The following SLC2A13 variants were observed in gnomAD, a reference collection of about 807,000 sequenced individuals.
The protein encoded by SLC2A13 is proton myo-inositol cotransporter.
A neutral mutation model predicts 64.4 loss-of-function variants in SLC2A13; 32 were observed. The ratio of observed to expected loss-of-function variants is 0.50; its 90% confidence interval spans 0.37 to 0.67. The LOEUF (loss-of-function observed/expected upper bound fraction) is 0.67. SLC2A13 is among the 30% of genes least tolerant of loss of function. The pLI, the probability that SLC2A13 is intolerant of heterozygous loss-of-function variation, is 0.00. For synonymous variants in SLC2A13, 338 were observed against 327.1 expected (o/e 1.03, Z -0.36); for missense variants, 743 against 829.2 (o/e 0.90, Z 1.28).
chr12:39,878,532 G>C (rs1944252888), intron 4 of SLC2A13, among the ~76,000 whole-genome samples: 1 of 152,190 alleles, frequency 6.6e-6, no homozygotes. Context: ...AGGGGTCTGT[G>C]AAAGCTTGAG....
At chr12:39,860,036 T>C (rs1350375110) in intron 6 of SLC2A13, among the ~76,000 whole-genome samples, 3 of 152,092 alleles carry the variant, frequency 2.0e-5, no homozygotes, top group Admixed American at 6.5e-5. Context: ...AGAGCAAGGT[T>C]TGAAAGGAAT....
intron 5 of SLC2A13, among the ~76,000 whole-genome samples, chr12:39,866,910 G>T (rs1566883360): frequency 6.6e-6 from 1 of 152,180 alleles, no homozygotes; most frequent in Non-Finnish European, 1.5e-5. Flanking sequence ...TTAAAGAAAG[G>T]TCAGAAGTCT....
intron 3 of SLC2A13, among the ~76,000 whole-genome samples, chr12:40,004,030 C>T (rs1246482292): frequency 6.6e-6 from 1 of 151,470 alleles, no homozygotes; most frequent in Non-Finnish European, 1.5e-5. Context: ...TCCCAAAAAA[C>T]ACAAAAAATA....
intron 3 of SLC2A13, among the ~76,000 whole-genome samples, chr12:39,957,426 T>C (rs1454010465): frequency 1.3e-5 from 2 of 152,186 alleles, no homozygotes; most frequent in Non-Finnish European, 2.9e-5. Context: ...TTCCAAGCTA[T>C]AGTAACAAAC....
chr12:40,002,296 G>A (rs1162622515), intron 3 of SLC2A13, among the ~76,000 whole-genome samples: 1 of 152,050 alleles, frequency 6.6e-6, no homozygotes, highest in Non-Finnish European at 1.5e-5. Flanking sequence ...AGACAATAGT[G>A]AAGTTAAGTA....
chr12:39,970,493 T>C (rs761267363), intron 3 of SLC2A13, among the ~76,000 whole-genome samples: 9 of 152,220 alleles, frequency 5.9e-5, no homozygotes, highest in African/African-American at 9.6e-5. Flanking sequence ...TTTGTGATAC[T>C]ACAGAATTTT....
chr12:40,061,838 G>T (rs1037207452), intron 1 of SLC2A13, among the ~76,000 whole-genome samples: 1 of 151,068 alleles, frequency 6.6e-6, no homozygotes, highest in Non-Finnish European at 1.5e-5. Context: ...TTTAAAAGTT[G>T]ATCCTTGCTG....
intron 5 of SLC2A13, among the ~76,000 whole-genome samples, chr12:39,867,411 G>T (rs1190687096): frequency 6.6e-6 from 1 of 151,944 alleles, no homozygotes. Context: ...TGGTTGAATG[G>T]ATGGGCCACC....
rs577252334 is a variant in SLC2A13 at position 39,866,336 on chromosome 12, G to C, written c.1199-1454C>G. On this transcript the variant is annotated intron_variant, in intron 5 of 9. Transcript: ENST00000280871. ...TGGGATCAGATGACTGTAGTTTTTA[G>C]CTAGCTTTGCTGTTTCCTGACTCTG... Among the ~76,000 whole-genome samples, 10 of 152,300 alleles carry C rather than the reference G, an allele frequency of 6.6e-5. No individual in the cohort carries two copies. The East Asian group carries it at 1.9e-3, about 29-fold the overall frequency.
intron 3 of SLC2A13, among the ~76,000 whole-genome samples, chr12:40,006,170 A>G (rs1947415280): frequency 6.6e-6 from 1 of 152,254 alleles, no homozygotes; most frequent in Non-Finnish European, 1.5e-5. Context: ...CAGGATTAAA[A>G]TGAAACCTAA....
rs571903789 is a variant in SLC2A13 at position 39,836,524 on chromosome 12, A to T, written c.1320-6296T>A. On this transcript the variant is annotated intron_variant, in intron 6 of 9. Coordinates refer to ENST00000280871, the MANE Select transcript of SLC2A13 (RefSeq NM_052885.4). ...CAGGAGAAGGAAATAAAGGGTATTC[A>T]ATTAGGAAAAGAGGAAGTCAAATTG... Among the ~76,000 whole-genome samples the T allele has an allele frequency of 6.0e-3, 918 of 151,822 alleles. 8 individuals are homozygous for T. The highest frequency in any genetic ancestry group is 0.021 in the African/African-American group (871 of 41,350).
At chr12:40,071,720 TAG>T (rs1180560052) in intron 1 of SLC2A13, among the ~76,000 whole-genome samples, 2 of 152,162 alleles carry the variant, frequency 1.3e-5, no homozygotes, top group African/African-American at 2.4e-5. Context: ...CTTGTAGGGA[TAG>T]AGTTATTCAT....
intron 7 of SLC2A13, among the ~76,000 whole-genome samples, chr12:39,823,563 T>C (rs1438990239): frequency 1.3e-5 from 2 of 152,174 alleles, no homozygotes; most frequent in Non-Finnish European, 2.9e-5. Context: ...CAGTGAATAT[T>C]TTCAGGAAAT....
intron 3 of SLC2A13, among the ~76,000 whole-genome samples, chr12:39,979,772 TC>T (rs1412780945): frequency 1.8e-5 from 2 of 108,886 alleles, no homozygotes; most frequent in Non-Finnish European, 3.7e-5. Context: ...CAGGAGAACT[TC>T]CCCAATCTAG....
intron 3 of SLC2A13, among the ~76,000 whole-genome samples, chr12:39,977,709 C>A (rs117924178): frequency 0.038 from 5,740 of 152,322 alleles, 216 homozygotes; most frequent in Admixed American, 0.12. Flanking sequence ...AATCTTCACT[C>A]TCTGCTAATC....
intron 4 of SLC2A13, chr12:39,907,542 C>A (rs1416821077): frequency 6.6e-6 from 1 of 152,112 alleles, no homozygotes; most frequent in African/African-American, 2.4e-5. Flanking sequence ...AATATAGAAT[C>A]TGCCCATAAT....
In SLC2A13 at chr12:40,041,314, C is replaced by A. The variant is rs990022125; in HGVS notation, c.716+6737G>T. Among the ~76,000 whole-genome samples the A allele has an allele frequency of 2.0e-5, 3 of 152,260 alleles. No individual in the cohort carries two copies. In the East Asian group the frequency reaches 5.8e-4, roughly 29 times the overall value. On this transcript the variant is annotated intron_variant, in intron 2 of 9. Coordinates refer to ENST00000280871, the MANE Select transcript of SLC2A13 (RefSeq NM_052885.4). ...CCAGATGATCATCATAGCCCTCCTCCTAGCTGCTCTAACTTCTCACTCTTG... is the reference window on the plus strand; with the variant it reads ...CCAGATGATCATCATAGCCCTCCTCATAGCTGCTCTAACTTCTCACTCTTG...
In SLC2A13 at chr12:40,105,597, T is replaced by A; in HGVS notation, c.212A>T (p.Gln71Leu). Residue 71 changes from glutamine to leucine, a missense_variant, in exon 1 of 10, where the codon CAG becomes CTG. Gln to Leu is a moderately radical substitution (Grantham distance 113, BLOSUM62 -2). Around this residue, in one of 2 missense-constraint regions of SLC2A13, gnomAD observed 448 missense variants for 447.4 expected, o/e 1.00. Coordinates refer to ENST00000280871, the MANE Select transcript of SLC2A13 (RefSeq NM_052885.4). The surrounding 1 kb of genome is among the most constrained non-coding windows in gnomAD (Gnocchi z 4.2). ...VGDLERAARR[Q>L]FQQDETPAFV... is the part of the protein sequence containing the mutation. ...GGCGGGGGTCTCGTCCTGCTGGAAC[T>A]GCCGCCGCGCCGCGCGCTCCAGGTC... 1 of 1,530,476 alleles carries A rather than the reference T, an allele frequency of 6.5e-7. No homozygotes were observed. The allele number at this position is 1,530,476 out of a possible 1,614,324, so 94.8% of individuals were successfully genotyped here.
intron 7 of SLC2A13, among the ~76,000 whole-genome samples, chr12:39,773,009 C>A (rs1476751923): frequency 6.6e-6 from 1 of 152,128 alleles, no homozygotes; most frequent in Non-Finnish European, 1.5e-5. Flanking sequence ...ACTAGAAATA[C>A]CAACTAAAAA....
Sources: allele counts gnomAD v4.1 joint callset (sites outside exome capture counted in the v4.1 genomes callset), GRCh38; gene constraint gnomAD v4.1.1; regional missense constraint gnomAD v4.1.1; non-coding constraint Gnocchi (gnomAD v3.1); transcripts MANE v1.5; gene names NCBI Gene and HGNC (gene_info 2026-07-23, HGNC 2026-07-21).